The following DOK7 variants were observed in gnomAD, a reference collection of about 807,000 sequenced individuals.
The protein encoded by DOK7 is protein Dok-7.
Under a neutral mutation model 30.7 loss-of-function variants are expected in DOK7, and 32 were observed. That is an observed-to-expected ratio of 1.04 (90% CI 0.79 to 1.40). The LOEUF is 1.40. Among genes scored for constraint, DOK7 ranks in the 40% most tolerant of loss-of-function variants. The pLI, the probability that DOK7 is intolerant of heterozygous loss-of-function variation, is 0.00. For synonymous variants in DOK7, 447 were observed against 324.1 expected (o/e 1.38, Z -4.07); for missense variants, 1,007 against 699.2 (o/e 1.44, Z -4.97).
Position 3,463,455 on chromosome 4 carries a change from G to C in DOK7, c.54+26G>C, listed in dbSNP as rs543525751. 112 of 1,412,558 alleles carry C rather than the reference G, an allele frequency of 7.9e-5. No homozygotes were observed. Among genetic ancestry groups the C allele is most frequent in the African/African-American group, 2.3e-4 (15 of 66,046 alleles). 87.5% of individuals were successfully genotyped at this position (1,412,558 alleles called of 1,614,324 possible). A position where few individuals can be genotyped will look rare whatever the true frequency, so the allele number is the denominator to read the frequency against. On this transcript the variant is annotated intron_variant, in intron 1 of 6. Coordinates refer to ENST00000340083, the MANE Select transcript of DOK7 (RefSeq NM_173660.5). ...GTCGGGGCGCGTCGGGGGCGCGGGG[G>C]GGGGGGGCGCGGGCGCGGGCGGCGG...
rs530579837 is a variant in DOK7, at chr4:3,476,229, T to C, written c.332-113T>C. The C allele has an allele frequency of 0.016, 4,098 of 255,452 alleles. 205 individuals are homozygous for C. The African/African-American group carries it at 0.19, about 12-fold the overall frequency. The allele number at this position is 255,452 out of a possible 1,614,324, so 15.8% of individuals were successfully genotyped here. A position where few individuals can be genotyped will look rare whatever the true frequency, so the allele number is the denominator to read the frequency against. On this transcript the variant is annotated intron_variant, in intron 3 of 6. Transcript: ENST00000340083. ...GCCCATGATGCCCTCTCGCCCCGCC[T>C]GCCCGTGATGCCCTCTCACCCCACC...
In DOK7 at chr4:3,485,535, G is replaced by A; in HGVS notation, c.533-4G>A. On this transcript the variant is annotated splice_region_variant and splice_polypyrimidine_tract_variant and intron_variant, in intron 4 of 6. Transcript: ENST00000340083. ...ACTGACCTGTCTCTGTCCTTCCTCT[G>A]CAGGGGCTGGCGTCTTCTTCCTGTC... 1 of 1,598,122 alleles carries A rather than the reference G, an allele frequency of 6.3e-7. No homozygotes were observed. The highest frequency in any genetic ancestry group is 8.5e-7 in the Non-Finnish European group (1 of 1,170,984).
chr4:3,478,349 G>T (rs1482079770), intron 4 of DOK7, among the ~76,000 whole-genome samples: 1 of 152,234 alleles, frequency 6.6e-6, no homozygotes, highest in East Asian at 1.9e-4. Context: ...TCCCACACCT[G>T]GGGCTGTGCT....
At chr4:3,477,433 G>A (rs111774221) in intron 4 of DOK7, among the ~76,000 whole-genome samples, 4,053 of 152,352 alleles carry the variant, frequency 0.027, 179 homozygotes, top group African/African-American at 0.091. Flanking sequence ...ACGCAGGCAA[G>A]GACACGGGCC....
intron 5 of DOK7, among the ~76,000 whole-genome samples, chr4:3,488,134 C>T (rs1250373410): frequency 6.6e-6 from 1 of 152,248 alleles, no homozygotes. Context: ...TTGTGCCACC[C>T]CCATCCCTGT....
Position 3,463,422 on chromosome 4 carries a change from G to A in DOK7, c.47G>A (p.Gly16Asp). The A allele has an allele frequency of 1.4e-6, 2 of 1,437,102 alleles. No individual in the cohort carries two copies. The highest frequency in any genetic ancestry group is 2.7e-5 in the Admixed American group (1 of 36,648). 89.0% of individuals were successfully genotyped at this position (1,437,102 alleles called of 1,614,324 possible). A position where few individuals can be genotyped will look rare whatever the true frequency, so the allele number is the denominator to read the frequency against. The stretch of plus-strand genomic sequence containing the variant: ...GAGGGCCAGGTCAAGCTGCGGGACG[G>A]CAAGAAGGTCGGGGCGCGTCGGGGG... ...LVEGQVKLRD[G>D]KKWKSRWLVL... The change falls in exon 1 of 7, where the codon GGC (glycine) becomes GAC (aspartate). Residue 16 changes from glycine to aspartate, a missense_variant. Coordinates refer to ENST00000340083, the MANE Select transcript of DOK7 (RefSeq NM_173660.5).
At chr4:3,497,818 C>T (rs1170820290), downstream of DOK7, among the ~76,000 whole-genome samples, 3 of 152,120 alleles carry the variant, frequency 2.0e-5, no homozygotes, top group African/African-American at 7.2e-5. Flanking sequence ...GGGCTGGACA[C>T]CGATCCCTGC....
chr4:3,496,600 G>A (rs1728925261), downstream of DOK7, among the ~76,000 whole-genome samples: 1 of 152,218 alleles, frequency 6.6e-6, no homozygotes, highest in African/African-American at 2.4e-5. Flanking sequence ...CACCAGGCTG[G>A]GTGGTCAAGG....
In DOK7 at chr4:3,489,672, C is replaced by T; in HGVS notation, c.653-5C>T. 1.3e-6 allele frequency: 2 copies of T among 1,565,644 alleles called. No individual in the cohort carries two copies. Among genetic ancestry groups the T allele is most frequent in the Non-Finnish European group, 1.7e-6 (2 of 1,155,474 alleles). Reference sequence around the variant, plus strand: ...CTCCTCCACCGAGTCTTCTCTCTGCCACAGACCCAAGTCCCCCGGGACCCT... The same window carrying T: ...CTCCTCCACCGAGTCTTCTCTCTGCTACAGACCCAAGTCCCCCGGGACCCT... On this transcript the variant is annotated splice_polypyrimidine_tract_variant and splice_region_variant and intron_variant, in intron 5 of 6. Coordinates refer to ENST00000340083, the MANE Select transcript of DOK7 (RefSeq NM_173660.5).
intron 6 of DOK7, 87 bp from the exon 7 acceptor site, chr4:3,492,672 G>A (rs1308773717): frequency 3.8e-5 from 59 of 1,562,500 alleles, no homozygotes; most frequent in Non-Finnish European, 4.9e-5. Flanking sequence ...AGAGAGTGCT[G>A]GCCTGTGGGG....
chr4:3,497,711 G>T (rs879365530), downstream of DOK7, among the ~76,000 whole-genome samples: 2 of 152,046 alleles, frequency 1.3e-5, no homozygotes, highest in South Asian at 4.2e-4. Context: ...TGGGGGAGGC[G>T]CCCAGGCAGG....
At chr4:3,465,714 G>A (rs1441767137) in intron 2 of DOK7, among the ~76,000 whole-genome samples, 5 of 152,266 alleles carry the variant, frequency 3.3e-5, no homozygotes, top group South Asian at 2.1e-4. Context: ...ACGTCGGGCC[G>A]TCTGCCTCGG....
chr4:3,483,066 G>A (rs998743554), intron 4 of DOK7, among the ~76,000 whole-genome samples: 2 of 149,500 alleles, frequency 1.3e-5, no homozygotes, highest in Non-Finnish European at 3.0e-5. Context: ...GGCCAGGGGT[G>A]TGGAGGGTGG....
At chr4:3,489,443 G>A (rs892925347) in intron 5 of DOK7, among the ~76,000 whole-genome samples, 2 of 152,172 alleles carry the variant, frequency 1.3e-5, no homozygotes, top group African/African-American at 4.8e-5. Flanking sequence ...AGGTGGCAGG[G>A]CCATCCACGG....
At chr4:3,470,705 C>T (rs1190206119) in intron 2 of DOK7, among the ~76,000 whole-genome samples, 3 of 152,312 alleles carry the variant, frequency 2.0e-5, no homozygotes, top group East Asian at 1.9e-4. Flanking sequence ...TTTATTGGCT[C>T]GCAGCCATTC....
downstream of DOK7, among the ~76,000 whole-genome samples, chr4:3,495,818 C>A (rs1728878572): frequency 6.6e-6 from 1 of 152,066 alleles, no homozygotes; most frequent in Admixed American, 6.5e-5. Context: ...TGGGGAGGGG[C>A]CCTCTCAGGA....
At chr4:3,468,650 A>G (rs1726499520) in intron 2 of DOK7, among the ~76,000 whole-genome samples, 2 of 128,678 alleles carry the variant, frequency 1.6e-5, no homozygotes, top group Middle Eastern at 0.011. Flanking sequence ...GTGTGTGTGC[A>G]TGTATGAGTG....
At chr4:3,489,279 G>T (rs902258814) in intron 5 of DOK7, among the ~76,000 whole-genome samples, 1 of 152,136 alleles carries the variant, frequency 6.6e-6, no homozygotes, top group Non-Finnish European at 1.5e-5. Context: ...AATGGGCACC[G>T]TGAATGAGGG....
At chr4:3,498,258 AG>A (rs1444084529), downstream of DOK7, among the ~76,000 whole-genome samples, 1 of 152,166 alleles carries the variant, frequency 6.6e-6, no homozygotes, top group East Asian at 1.9e-4. Context: ...AGGGGACGGG[AG>A]GAGGAGCACT....
Sources: allele counts gnomAD v4.1 joint callset (sites outside exome capture counted in the v4.1 genomes callset), GRCh38; gene constraint gnomAD v4.1.1; transcripts MANE v1.5; gene names NCBI Gene and HGNC (gene_info 2026-07-23, HGNC 2026-07-21).